CALN1: variants seen among roughly 807,000 people sequenced by gnomAD.
The protein encoded by CALN1 is calcium-binding protein 8.
Under a neutral mutation model 30.6 loss-of-function variants are expected in CALN1, and 17 were observed. The observed-to-expected ratio is 0.56, with a 90% CI of 0.38 to 0.83. The LOEUF (loss-of-function observed/expected upper bound fraction) is 0.83. Ranked by LOEUF, CALN1 falls within the 40% of genes least tolerant of loss-of-function variation. The probability of loss-of-function intolerance (pLI) is 0.00; values close to 1 mark genes in which losing one functional copy is unlikely to be tolerated. For synonymous variants in CALN1, 156 were observed against 131.4 expected, an observed-to-expected ratio of 1.19 and a Z score of -1.28; for missense variants, 291 against 354.9, an observed-to-expected ratio of 0.82 and a Z score of 1.45.
intron 4 of CALN1, among the ~76,000 whole-genome samples, chr7:72,061,579 G>A (rs1411132887): frequency 6.6e-6 from 1 of 151,534 alleles, no homozygotes; most frequent in African/African-American, 2.4e-5. Context: ...TGTAGAAATG[G>A]AGGTGATAGA....
chr7:72,271,575 A>AAAATATAT lies in CALN1; in HGVS notation c.244+7110_244+7111insATATATTT. Among the ~76,000 whole-genome samples the AAAATATAT allele has an allele frequency of 1.3e-4, 7 of 52,130 alleles. 1 individual carries two copies. Among genetic ancestry groups the AAAATATAT allele is most frequent in the East Asian group, 9.9e-4 (1 of 1,014 alleles). 34.2% of individuals were successfully genotyped at this position (52,130 alleles called of 152,430 possible). ...CTGTGCCTGCCTTTTAAAAAAAAAA[A>AAAATATAT]ATATATATATATATATATAGTTTTC... is the stretch of plus-strand genomic sequence containing the variant. On this transcript the variant is annotated intron_variant, in intron 3 of 6. Coordinates refer to ENST00000395275, the MANE Select transcript of CALN1 (RefSeq NM_031468.4).
intron 5 of CALN1, among the ~76,000 whole-genome samples, chr7:71,873,001 A>T (rs1277716555): frequency 1.6e-4 from 19 of 115,618 alleles, no homozygotes; most frequent in East Asian, 9.6e-4. Context: ...GTTTGTGACA[A>T]TTTTTTTTTT....
chr7:72,245,997 T>G (rs1795133139), intron 3 of CALN1, among the ~76,000 whole-genome samples: 1 of 152,302 alleles, frequency 6.6e-6, no homozygotes. Context: ...GAAACAAAAC[T>G]CAGACCTAAG....
Position 72,403,109 on chromosome 7 carries a change from G to A in CALN1, c.119+142C>T, listed in dbSNP as rs1367193388. 4 of 602,614 alleles carry A rather than the reference G, an allele frequency of 6.6e-6. No homozygotes were observed. The South Asian group carries it at 6.7e-5, about 10-fold the overall frequency. 37.3% of individuals were successfully genotyped at this position (602,614 alleles called of 1,614,324 possible). A position where few individuals can be genotyped will look rare whatever the true frequency, so the allele number is the denominator to read the frequency against. On this transcript the variant is annotated intron_variant, in intron 2 of 6. Transcript: ENST00000395275. ...AGAATCTCTGTACCCAGCCAGGACA[G>A]CTCTCCCAGGTGTCCATTTCATAGA...
chr7:72,348,760 T>G (rs568206632), intron 2 of CALN1, among the ~76,000 whole-genome samples: 7 of 152,316 alleles, frequency 4.6e-5, no homozygotes, highest in Non-Finnish European at 1.0e-4. Context: ...AGACTTGACC[T>G]AACAAAGCTT....
chr7:72,146,890 G>A (rs1017259338), intron 3 of CALN1, among the ~76,000 whole-genome samples: 1 of 152,136 alleles, frequency 6.6e-6, no homozygotes, highest in African/African-American at 2.4e-5. Context: ...TTTAACAAAT[G>A]GTGCTGGGAA....
chr7:72,444,498 C>A (rs1199865182), intron 1 of CALN1, among the ~76,000 whole-genome samples: 1 of 152,170 alleles, frequency 6.6e-6, no homozygotes, highest in Non-Finnish European at 1.5e-5. Flanking sequence ...TGTCCACAGA[C>A]TGGTGTGTAT....
chr7:72,270,103 G>T (rs1412070320), intron 3 of CALN1, among the ~76,000 whole-genome samples: 2 of 152,004 alleles, frequency 1.3e-5, no homozygotes, highest in African/African-American at 4.8e-5. Flanking sequence ...GTGTGTGTGT[G>T]TGTGTATGTA....
chr7:71,852,954 A>T (rs552452605), intron 5 of CALN1, among the ~76,000 whole-genome samples: 1 of 152,318 alleles, frequency 6.6e-6, no homozygotes, highest in East Asian at 1.9e-4. Flanking sequence ...TATATTTAAT[A>T]TATTCTGCTT....
chr7:71,848,640 A>T (rs1256418972), intron 5 of CALN1, among the ~76,000 whole-genome samples: 1 of 152,106 alleles, frequency 6.6e-6, no homozygotes, highest in Admixed American at 6.6e-5. Context: ...CACACACATA[A>T]TATTACCTAT....
chr7:72,298,848 A>C (rs141150204), intron 2 of CALN1, among the ~76,000 whole-genome samples: 1 of 150,900 alleles, frequency 6.6e-6, no homozygotes, highest in Non-Finnish European at 1.5e-5. Context: ...TTCCCTGCAC[A>C]AACTCTGCTT....
Position 72,439,593 on chromosome 7 carries a change from T to TC in CALN1, c.-226+7448_-226+7449insG, listed in dbSNP as rs1425260210. Among the ~76,000 whole-genome samples the TC allele has an allele frequency of 1.3e-4, 19 of 151,842 alleles. No homozygotes were observed. In the East Asian group the frequency reaches 2.3e-3, roughly 19 times the overall value. ...CCTTGTCGTTTATTCTTTTTTTTTTTTTGAGATGGAGTCTCGCTTTGTCGC... is the reference window on the plus strand; with the variant it reads ...CCTTGTCGTTTATTCTTTTTTTTTTTCTTGAGATGGAGTCTCGCTTTGTCGC... On this transcript the variant is annotated intron_variant, in intron 1 of 6. Coordinates refer to the CALN1 transcript ENST00000395276.
At chr7:71,805,067 A>T (rs1787527771) in intron 6 of CALN1, among the ~76,000 whole-genome samples, 1 of 152,234 alleles carries the variant, frequency 6.6e-6, no homozygotes, top group African/African-American at 2.4e-5. Flanking sequence ...CAGCATTTTG[A>T]AATCTTTTCC....
At chr7:71,944,456 T>C (rs1198909006) in intron 5 of CALN1, among the ~76,000 whole-genome samples, 3 of 151,508 alleles carry the variant, frequency 2.0e-5, no homozygotes, top group African/African-American at 7.3e-5. Flanking sequence ...TAGCCGGGCA[T>C]GGTGGCACAT....
chr7:72,402,715 T>C (rs985290788), intron 2 of CALN1, among the ~76,000 whole-genome samples: 3 of 152,148 alleles, frequency 2.0e-5, no homozygotes, highest in African/African-American at 7.2e-5. Flanking sequence ...ACCGCATCAA[T>C]GACCAGAGAC....
intron 3 of CALN1, among the ~76,000 whole-genome samples, chr7:72,110,209 T>A (rs1322024990): frequency 1.3e-5 from 2 of 152,090 alleles, no homozygotes; most frequent in East Asian, 3.9e-4. Flanking sequence ...TCAACCTACA[T>A]CCTTACATTG....
chr7:71,860,564 C>A (rs1019475114), intron 5 of CALN1, among the ~76,000 whole-genome samples: 9 of 152,118 alleles, frequency 5.9e-5, no homozygotes, highest in African/African-American at 2.2e-4. Flanking sequence ...GCCCTGAATT[C>A]TTTCTTGGGT....
intron 2 of CALN1, among the ~76,000 whole-genome samples, chr7:72,379,628 T>G (rs1026971681): frequency 1.3e-5 from 2 of 152,260 alleles, no homozygotes; most frequent in Non-Finnish European, 1.5e-5. Flanking sequence ...TGAAAACTCT[T>G]GCAAACACGT....
chr7:71,945,892 G>A (rs1246371202), intron 5 of CALN1, among the ~76,000 whole-genome samples: 8 of 152,218 alleles, frequency 5.3e-5, no homozygotes, highest in Admixed American at 5.2e-4. Flanking sequence ...TGGAAAAACT[G>A]TCTTCCACAA....
Sources: gnomAD v4.1 joint callset for allele counts (sites outside exome capture counted in the v4.1 genomes callset) on GRCh38, gnomAD v4.1.1 for gene constraint, MANE v1.5 for transcripts, NCBI Gene and HGNC (gene_info 2026-07-23, HGNC 2026-07-21) for gene names.